The following TENM2 variants were observed in gnomAD, a reference collection of about 807,000 sequenced individuals.
The protein encoded by TENM2 is teneurin-2.
TENM2 carries 52 observed loss-of-function variants against 245.2 expected under a neutral mutation model. The ratio of observed to expected loss-of-function variants is 0.21; its 90% CI spans 0.17 to 0.27. The LOEUF (loss-of-function observed/expected upper bound fraction) is 0.27, where lower values mean the gene tolerates loss of function less well. Among genes scored for constraint, TENM2 ranks in the 10% least tolerant of loss-of-function variants. The pLI, the probability that TENM2 is intolerant of heterozygous loss-of-function variation, is 1.00. For synonymous variants in TENM2, 1,363 were observed against 1,438.9 expected, an observed-to-expected ratio of 0.95 and a Z score of 1.19; for missense variants, 3,046 against 3,666.8, an observed-to-expected ratio of 0.83 and a Z score of 4.37.
chr5:167,705,364 GGTAGA>G (rs1210456815), intron 2 of TENM2, among the ~76,000 whole-genome samples: 1 of 152,096 alleles, frequency 6.6e-6, no homozygotes, highest in Non-Finnish European at 1.5e-5. Flanking sequence ...TTCTTGGAAA[GGTAGA>G]GTAATTGATA....
chr5:167,366,210 T>G (rs922573222), intron 1 of TENM2, among the ~76,000 whole-genome samples: 8 of 152,060 alleles, frequency 5.3e-5, no homozygotes, highest in African/African-American at 1.9e-4. Context: ...CTAGCAGAAA[T>G]TTTTAAAAAG....
intron 2 of TENM2, among the ~76,000 whole-genome samples, chr5:167,445,814 G>C (rs1211662006): frequency 6.6e-6 from 1 of 152,106 alleles, no homozygotes; most frequent in Non-Finnish European, 1.5e-5. Context: ...ACCGTCCCTG[G>C]TCTGGACGCC....
intron 12 of TENM2, among the ~76,000 whole-genome samples, chr5:168,136,805 G>A (rs773052023): frequency 8.5e-5 from 13 of 152,188 alleles, no homozygotes; most frequent in Non-Finnish European, 1.8e-4. Flanking sequence ...TTTATACTCA[G>A]TCAGGACCCC....
At chr5:167,660,891 G>C (rs1488066473) in intron 2 of TENM2, among the ~76,000 whole-genome samples, 1 of 152,120 alleles carries the variant, frequency 6.6e-6, no homozygotes, top group East Asian at 1.9e-4. Flanking sequence ...TGTGCCAGTA[G>C]CTTGTGGGTG....
At chr5:167,164,371 C>G in the TENM2 span, among the ~76,000 whole-genome samples, 2 of 152,144 alleles carry the variant, frequency 1.3e-5, no homozygotes, top group Non-Finnish European at 2.9e-5. Flanking sequence ...CTATAGATGT[C>G]AAGACATGCA....
intron 9 of TENM2, among the ~76,000 whole-genome samples, chr5:168,111,990 T>C (rs942777026): frequency 1.3e-5 from 2 of 152,158 alleles, no homozygotes; most frequent in African/African-American, 4.8e-5. Flanking sequence ...CTGTAAAACA[T>C]GAGAAAAAAA....
In TENM2 at chr5:167,512,626, A is replaced by C. The variant is rs1032563245; in HGVS notation, c.502+137153A>C. Among the ~76,000 whole-genome samples, 5 of 152,268 alleles carry C rather than the reference A, an allele frequency of 3.3e-5. No homozygotes were observed. The East Asian group carries it at 9.7e-4, about 29-fold the overall frequency. On this transcript the variant is annotated intron_variant, in intron 2 of 28. Coordinates refer to ENST00000518659, the Ensembl canonical transcript of TENM2. ...TCTTTACTGATGTTTCTTTGGCACT[A>C]TGTTTAGCCTCCTAACTACACCTCT...
At chr5:167,293,368 A>ATTTTTTTTTTTTTT (rs199972172) in intron 1 of TENM2, among the ~76,000 whole-genome samples, 8 of 130,534 alleles carry the variant, frequency 6.1e-5, no homozygotes, top group Middle Eastern at 4.2e-3. Context: ...TGTCCGGCTA[A>ATTTTTTTTTTTTTT]TTTTTTTTTT....
intron 12 of TENM2, among the ~76,000 whole-genome samples, chr5:168,149,970 A>T (rs1756494583): frequency 6.6e-6 from 1 of 152,068 alleles, no homozygotes; most frequent in Non-Finnish European, 1.5e-5. Flanking sequence ...TTTTTTGCTC[A>T]AACAACTTAT....
the TENM2 span, among the ~76,000 whole-genome samples, chr5:167,076,686 A>G: frequency 6.6e-6 from 1 of 152,194 alleles, no homozygotes. Flanking sequence ...TTTCTCTAAT[A>G]TAAAATCCAT....
the TENM2 span, among the ~76,000 whole-genome samples, chr5:167,135,785 G>C: frequency 2.0e-5 from 3 of 151,902 alleles, no homozygotes; most frequent in African/African-American, 4.8e-5. Context: ...AACAGAGCGA[G>C]ACTCCATCTC....
chr5:167,329,267 T>A (rs1207085696), intron 1 of TENM2, among the ~76,000 whole-genome samples: 2 of 151,602 alleles, frequency 1.3e-5, no homozygotes, highest in Non-Finnish European at 2.9e-5. Flanking sequence ...GGTGGTGGGC[T>A]GGGTGCAGTG....
chr5:168,241,782 T>C (rs1051506611), intron 25 of TENM2, among the ~76,000 whole-genome samples: 2 of 152,164 alleles, frequency 1.3e-5, no homozygotes, highest in East Asian at 1.9e-4. Context: ...GTAAAGTACC[T>C]AGCATAGCAC....
chr5:167,185,011 G>T, the TENM2 span, among the ~76,000 whole-genome samples: 1 of 152,140 alleles, frequency 6.6e-6, no homozygotes, highest in Non-Finnish European at 1.5e-5. Flanking sequence ...GATCTGACAG[G>T]GGGCAGAACT....
intron 2 of TENM2, among the ~76,000 whole-genome samples, chr5:167,387,668 T>A (rs1444094688): frequency 6.6e-6 from 1 of 152,122 alleles, no homozygotes. Context: ...CATAGGTGGC[T>A]TTTATTATTT....
chr5:167,673,332 T>C (rs1756086668), intron 2 of TENM2, among the ~76,000 whole-genome samples: 1 of 152,090 alleles, frequency 6.6e-6, no homozygotes, highest in Non-Finnish European at 1.5e-5. Flanking sequence ...AATTTTAGCA[T>C]AAAAGATGGT....
At chr5:167,357,826 G>A (rs1397389790) in intron 1 of TENM2, among the ~76,000 whole-genome samples, 1 of 152,080 alleles carries the variant, frequency 6.6e-6, no homozygotes, top group Admixed American at 6.5e-5. Context: ...TCCAGATGTT[G>A]CTTCTAAGCC....
intron 4 of TENM2, chr5:167,965,528 G>C (rs1781325372): frequency 6.6e-6 from 1 of 151,972 alleles, no homozygotes; most frequent in South Asian, 2.1e-4. Context: ...GCTGCAGTAA[G>C]CTATGATCAC....
At chr5:167,445,369 A>AGAGAGAGAGAGAGGGAGAGAGAGT (rs35699708) in intron 2 of TENM2, among the ~76,000 whole-genome samples, 1 of 98,578 alleles carries the variant, frequency 1.0e-5, no homozygotes, top group African/African-American at 5.1e-5. Context: ...AGAGAGAGAG[A>AGAGAGAGAGAGAGGGAGAGAGAGT]GTGTCAGGTG....
Sources: gnomAD v4.1 joint callset for allele counts (sites outside exome capture counted in the v4.1 genomes callset) on GRCh38, gnomAD v4.1.1 for gene constraint, MANE v1.5 for transcripts, NCBI Gene and HGNC (gene_info 2026-07-23, HGNC 2026-07-21) for gene names.